The following GALNTL6 variants were observed in gnomAD, a reference collection of about 807,000 sequenced individuals.
The protein encoded by GALNTL6 is polypeptide N-acetylgalactosaminyltransferase like 6.
Under a neutral mutation model 73.7 loss-of-function variants are expected in GALNTL6, and 46 were observed. The observed-to-expected ratio is 0.62, with a 90% CI of 0.49 to 0.80. GALNTL6 has a LOEUF of 0.80. Among genes scored for constraint, GALNTL6 ranks in the 30% least tolerant of loss-of-function variants. GALNTL6 has a pLI of 0.00. For synonymous variants in GALNTL6, 259 were observed against 263.7 expected (o/e 0.98, Z 0.17); for missense variants, 604 against 755.0 (o/e 0.80, Z 2.34).
intron 2 of GALNTL6, among the ~76,000 whole-genome samples, chr4:172,010,855 T>C (rs1417806286): frequency 6.6e-6 from 1 of 151,870 alleles, no homozygotes; most frequent in Non-Finnish European, 1.5e-5. Flanking sequence ...ATCCGAAGAG[T>C]TCAGTGGTAA....
intron 2 of GALNTL6, among the ~76,000 whole-genome samples, chr4:172,203,616 A>G (rs1215917717): frequency 3.3e-5 from 5 of 151,954 alleles, no homozygotes; most frequent in Admixed American, 6.6e-5. Context: ...ATATTACATC[A>G]TTTTCCCAAG....
chr4:172,207,377 A>G (rs1736171294), intron 2 of GALNTL6, among the ~76,000 whole-genome samples: 1 of 152,166 alleles, frequency 6.6e-6, no homozygotes, highest in Admixed American at 6.5e-5. Flanking sequence ...TGGAATTGCC[A>G]GGAGAGAGAC....
rs999500932 is a variant in GALNTL6, at chr4:171,946,911, T to C, written c.138+132193T>C. On this transcript the variant is annotated intron_variant, in intron 2 of 12. Coordinates refer to ENST00000506823, the MANE Select transcript of GALNTL6 (RefSeq NM_001034845.3). ...TAAGGACTCCATATGTTTTACTAAG[T>C]TCCGGGGGGTACAAATAAAAGCTTC... Among the ~76,000 whole-genome samples, 64 of 68,342 alleles carry C rather than the reference T, an allele frequency of 9.4e-4. 1 individual carries two copies. The highest frequency in any genetic ancestry group is 2.6e-3 in the Non-Finnish European group (61 of 23,898). The allele number at this position is 68,342 out of a possible 152,430, so 44.8% of individuals were successfully genotyped here.
At chr4:172,414,043 G>T (rs1374425785) in intron 5 of GALNTL6, among the ~76,000 whole-genome samples, 22 of 151,952 alleles carry the variant, frequency 1.4e-4, no homozygotes, top group Non-Finnish European at 1.5e-5. Context: ...TAATTTATAG[G>T]GCATGTTAAG....
intron 2 of GALNTL6, among the ~76,000 whole-genome samples, chr4:172,216,938 T>C (rs1736515437): frequency 6.6e-6 from 1 of 152,112 alleles, no homozygotes; most frequent in Non-Finnish European, 1.5e-5. Flanking sequence ...GAGGGGGGCT[T>C]CCAGGCTATA....
At chr4:172,439,831 G>A (rs1321528214) in intron 5 of GALNTL6, among the ~76,000 whole-genome samples, 4 of 151,852 alleles carry the variant, frequency 2.6e-5, no homozygotes, top group Non-Finnish European at 5.9e-5. Flanking sequence ...GAGATTTCCC[G>A]TATACCCTTT....
At chr4:172,217,768 T>A (rs932830106) in intron 2 of GALNTL6, among the ~76,000 whole-genome samples, 1 of 152,188 alleles carries the variant, frequency 6.6e-6, no homozygotes, top group Non-Finnish European at 1.5e-5. Context: ...ATAGTTGTTA[T>A]GCTTGATTTG....
At chr4:172,180,015 C>A (rs144602425) in intron 2 of GALNTL6, among the ~76,000 whole-genome samples, 1 of 152,254 alleles carries the variant, frequency 6.6e-6, no homozygotes, top group Non-Finnish European at 1.5e-5. Context: ...CTTGAGGAAT[C>A]GCCACACTGT....
At chr4:172,121,401 C>T (rs1733148229) in intron 2 of GALNTL6, among the ~76,000 whole-genome samples, 1 of 152,084 alleles carries the variant, frequency 6.6e-6, no homozygotes, top group South Asian at 2.1e-4. Flanking sequence ...ATGGCCTTCC[C>T]CAGCTCTATT....
At chr4:172,362,805 T>C (rs1742417727) in intron 5 of GALNTL6, among the ~76,000 whole-genome samples, 1 of 152,216 alleles carries the variant, frequency 6.6e-6, no homozygotes, top group African/African-American at 2.4e-5. Flanking sequence ...ATTGCTCTTA[T>C]GATTCCTCTT....
At chr4:172,088,581 T>G (rs1732114027) in intron 2 of GALNTL6, among the ~76,000 whole-genome samples, 1 of 152,198 alleles carries the variant, frequency 6.6e-6, no homozygotes, top group Admixed American at 6.5e-5. Context: ...AAATAATTTC[T>G]TTGGAAATTA....
At chr4:172,824,108 A>G (rs1008095390) in intron 7 of GALNTL6, among the ~76,000 whole-genome samples, 1 of 152,234 alleles carries the variant, frequency 6.6e-6, no homozygotes, top group Non-Finnish European at 1.5e-5. Context: ...ATGGGAGGGC[A>G]TAACAAGCCT....
chr4:172,190,444 T>C (rs1735542154), intron 2 of GALNTL6, among the ~76,000 whole-genome samples: 1 of 152,092 alleles, frequency 6.6e-6, no homozygotes, highest in East Asian at 1.9e-4. Flanking sequence ...TCAACTATAG[T>C]AGAGGGATTT....
intron 10 of GALNTL6, among the ~76,000 whole-genome samples, chr4:173,008,044 T>G (rs1033091423): frequency 1.3e-5 from 2 of 152,248 alleles, no homozygotes; most frequent in African/African-American, 4.8e-5. Context: ...AATAACACTG[T>G]CTTTCCTATT....
chr4:172,019,131 C>T (rs1039041118), intron 2 of GALNTL6, among the ~76,000 whole-genome samples: 1 of 152,128 alleles, frequency 6.6e-6, no homozygotes, highest in Non-Finnish European at 1.5e-5. Context: ...TTCAGAATAT[C>T]TGTGAATTCT....
At chr4:171,988,859 G>A (rs184582691) in intron 2 of GALNTL6, among the ~76,000 whole-genome samples, 2,523 of 152,134 alleles carry the variant, frequency 0.017, 64 homozygotes, top group African/African-American at 0.057. Flanking sequence ...GAGTAGAGGT[G>A]TCTTATACTT....
intron 2 of GALNTL6, among the ~76,000 whole-genome samples, chr4:172,138,323 C>T (rs964949800): frequency 1.3e-5 from 2 of 149,974 alleles, no homozygotes; most frequent in Admixed American, 1.3e-4. Context: ...TTAGGTGTTA[C>T]ATGTTATTAT....
At chr4:172,582,462 A>G (rs1341630670) in intron 5 of GALNTL6, among the ~76,000 whole-genome samples, 1 of 152,174 alleles carries the variant, frequency 6.6e-6, no homozygotes, top group Non-Finnish European at 1.5e-5. Context: ...CTTGGTATCC[A>G]TGGGTTCCAC....
chr4:172,332,365 C>T (rs2111184009), intron 4 of GALNTL6, among the ~76,000 whole-genome samples: 1 of 152,088 alleles, frequency 6.6e-6, no homozygotes, highest in African/African-American at 2.4e-5. Flanking sequence ...CATAGGCACC[C>T]TACTCTGCTA....
Sources: allele counts gnomAD v4.1 joint callset (sites outside exome capture counted in the v4.1 genomes callset), GRCh38; gene constraint gnomAD v4.1.1; transcripts MANE v1.5; gene names NCBI Gene and HGNC (gene_info 2026-07-23, HGNC 2026-07-21).